PFKP: variants seen among roughly 807,000 people sequenced by gnomAD.
PFKP encodes the protein phosphofructokinase, platelet.
A neutral mutation model predicts 94.3 loss-of-function variants in PFKP; 101 were observed. The ratio of observed to expected loss-of-function variants is 1.07; its 90% CI spans 0.91 to 1.26. The LOEUF is 1.26. Ranked by LOEUF, PFKP falls within the 50% of genes most tolerant of loss-of-function variation. PFKP has a pLI of 0.00. For missense variants in PFKP, 1,145 were observed against 1,103.3 expected (o/e 1.04, Z -0.53); for synonymous variants, 573 against 432.6 (o/e 1.32, Z -4.03).
rs749799327 is a variant in PFKP, at chr10:3,129,717, C to G, written c.1684-102C>G. 4 of 1,233,304 alleles carry G rather than the reference C, an allele frequency of 3.2e-6. No individual in the cohort carries two copies. The African/African-American group carries it at 4.5e-5, about 14-fold the overall frequency. The allele number at this position is 1,233,304 out of a possible 1,614,324, so 76.4% of individuals were successfully genotyped here. ...GGGATGCTGGGACCGCATGTTTGGG[C>G]GCGGTGGGGGGGCCTTGCTGCACTC... On this transcript the variant is annotated intron_variant, in intron 16 of 21. Coordinates refer to ENST00000381125, the MANE Select transcript of PFKP (RefSeq NM_002627.5).
chr10:3,118,740 G>C (rs1166136133), intron 14 of PFKP, 42 bp from the exon 15 acceptor site: 3 of 1,478,852 alleles, frequency 2.0e-6, no homozygotes. Context: ...ACCGCGTGGA[G>C]TTTGGGGTGT....
At chr10:3,069,093 A>C in intron 1 of PFKP, 1 of 309,400 alleles carries the variant, frequency 3.2e-6, no homozygotes, top group Non-Finnish European at 5.1e-6. Context: ...CGGCCCCGAC[A>C]CCCGTGCGCC....
At chr10:3,114,366 T>C (rs183281951) in intron 13 of PFKP, among the ~76,000 whole-genome samples, 5 of 152,186 alleles carry the variant, frequency 3.3e-5, no homozygotes, top group African/African-American at 7.2e-5. Context: ...GCCAGGCTGG[T>C]CTTGACCTCC....
At chr10:3,134,446 T>TGAAATAGAA in intron 19 of PFKP, 37 bp from the exon 20 acceptor site, 1 of 1,178,148 alleles carries the variant, frequency 8.5e-7, no homozygotes, top group Non-Finnish European at 1.3e-6. Flanking sequence ...AGTGTTACTG[T>TGAAATAGAA]ATAACTGGTA....
intron 16 of PFKP, among the ~76,000 whole-genome samples, chr10:3,125,791 A>G (rs6602031): frequency 0.68 from 104,039 of 152,172 alleles, 35,684 homozygotes; most frequent in South Asian, 0.74. Context: ...GCTGACACCC[A>G]CATGGTGGCC....
chr10:3,135,828 A>G lies in PFKP; in HGVS notation c.2215A>G (p.Thr739Ala). The G allele has an allele frequency of 1.2e-6, 2 of 1,609,578 alleles. No individual in the cohort carries two copies. The highest frequency in any genetic ancestry group is 1.7e-6 in the Non-Finnish European group (2 of 1,175,934). The change falls in exon 21 of 22, where the codon ACG becomes GCG. Residue 739 changes from threonine (T) to alanine (A), a missense_variant. By Grantham distance (58) the Thr-to-Ala change is moderately conservative. This residue lies in a region of PFKP where 1,119 missense variants were observed against 1,062.8 expected (regional missense o/e 1.05). Transcript: ENST00000381125. Reference sequence around the variant, plus strand: ...ACCTGTGGCAGAGCTGAAGAAGCAAACGGATTTTGAGTAAGTTGGCTGGGT... The same window carrying G: ...ACCTGTGGCAGAGCTGAAGAAGCAAGCGGATTTTGAGTAAGTTGGCTGGGT... Reference protein sequence around the residue: ...FQPVAELKKQTDFEHRIPKEQ... With the variant: ...FQPVAELKKQADFEHRIPKEQ...
chr10:3,092,761 G>C (rs1220375921), intron 2 of PFKP, among the ~76,000 whole-genome samples: 1 of 152,164 alleles, frequency 6.6e-6, no homozygotes. Context: ...TTTCTTTTGG[G>C]TTAAAATGAA....
intron 15 of PFKP, among the ~76,000 whole-genome samples, chr10:3,119,529 C>T (rs371579319): frequency 6.6e-5 from 10 of 152,242 alleles, no homozygotes; most frequent in African/African-American, 1.7e-4. Context: ...CGCTTGAACC[C>T]GGGAGGCGGA....
chr10:3,102,564 C>T (rs1056114050), intron 4 of PFKP, among the ~76,000 whole-genome samples: 36 of 152,022 alleles, frequency 2.4e-4, no homozygotes, highest in African/African-American at 8.2e-4. Flanking sequence ...CAGGCATGCG[C>T]CACCACACCC....
chr10:3,092,383 G>A (rs560259848), intron 2 of PFKP, among the ~76,000 whole-genome samples: 40 of 152,338 alleles, frequency 2.6e-4, no homozygotes, highest in Middle Eastern at 3.4e-3. Context: ...TGGGAAGGGG[G>A]TGTGGACAGG....
At chr10:3,118,466 T>TG (rs112006986) in intron 14 of PFKP, among the ~76,000 whole-genome samples, 1 of 151,870 alleles carries the variant, frequency 6.6e-6, no homozygotes, top group East Asian at 1.9e-4. Context: ...GACTCCATCT[T>TG]GGAAAAAAAA....
chr10:3,069,159 G>T, intron 1 of PFKP: 1 of 1,021,484 alleles, frequency 9.8e-7, no homozygotes, highest in South Asian at 4.3e-5. Flanking sequence ...CCCCGCGGGA[G>T]ACCCGGGTGG....
intron 16 of PFKP, 175 bp from the exon 17 acceptor site, chr10:3,129,644 A>G (rs957530633): frequency 1.5e-6 from 1 of 683,334 alleles, no homozygotes; most frequent in Non-Finnish European, 2.5e-6. Flanking sequence ...CCACGTTCAC[A>G]CCCACTCCGA....
intron 2 of PFKP, among the ~76,000 whole-genome samples, chr10:3,097,289 A>T (rs1317942017): frequency 6.6e-6 from 1 of 151,876 alleles, no homozygotes; most frequent in East Asian, 1.9e-4. Flanking sequence ...GTGTGGACAG[A>T]GCATCCGCAG....
intron 16 of PFKP, among the ~76,000 whole-genome samples, chr10:3,124,058 C>T (rs1473248237): frequency 1.4e-5 from 2 of 147,506 alleles, no homozygotes. Flanking sequence ...CACGGGTCTA[C>T]ACCCACTGTC....
rs907858092 is a variant in PFKP, at chr10:3,079,545, T to A, written c.113-2843T>A. Among the ~76,000 whole-genome samples the A allele has an allele frequency of 8.4e-4, 127 of 152,054 alleles. 2 individuals carry two copies. The highest frequency in any genetic ancestry group is 3.0e-3 in the African/African-American group (125 of 41,490). ...CACCGTGCCCAGCCTCATGTCCAGC[T>A]TTTAAGAATTTTATTCCTTCTTCTA... On this transcript the variant is annotated intron_variant, in intron 1 of 21. Coordinates refer to ENST00000381125, the MANE Select transcript of PFKP (RefSeq NM_002627.5).
At chr10:3,130,399 G>A (rs531409845) in intron 17 of PFKP, among the ~76,000 whole-genome samples, 7 of 152,298 alleles carry the variant, frequency 4.6e-5, no homozygotes, top group Non-Finnish European at 7.4e-5. Flanking sequence ...AGACATGACC[G>A]TGGTTTCTCG....
Position 3,127,081 on chromosome 10 carries a change from T to G in PFKP, c.1684-2738T>G, listed in dbSNP as rs75020383. Among the ~76,000 whole-genome samples the G allele has an allele frequency of 4.7e-3, 723 of 152,382 alleles. 9 individuals carry two copies. Among genetic ancestry groups the G allele is most frequent in the African/African-American group, 0.017 (688 of 41,592 alleles). On this transcript the variant is annotated intron_variant, in intron 16 of 21. Transcript: ENST00000381125. ...TTGGGATCTGCCGCCTTCTTGTCAG[T>G]GCTGCTTTGACTAATTGCCTGAGGC...
chr10:3,109,171 C>T (rs1835914205), intron 9 of PFKP, among the ~76,000 whole-genome samples, 184 bp from the exon 10 acceptor site: 1 of 152,246 alleles, frequency 6.6e-6, no homozygotes, highest in South Asian at 2.1e-4. Flanking sequence ...CCCTGACCTC[C>T]TCTCTGTTCC....
Sources: allele counts gnomAD v4.1 joint callset (sites outside exome capture counted in the v4.1 genomes callset), GRCh38; gene constraint gnomAD v4.1.1; regional missense constraint gnomAD v4.1.1; transcripts MANE v1.5; gene names NCBI Gene and HGNC (gene_info 2026-07-23, HGNC 2026-07-21).